Variants in TAOK1 observed in about 807,000 individuals in gnomAD.
The protein encoded by TAOK1 is serine/threonine-protein kinase TAO1.
In TAOK1, 21 loss-of-function variants were observed where a neutral mutation model predicts 138.3. That is an observed-to-expected ratio of 0.15 (90% CI 0.11 to 0.22). The LOEUF (loss-of-function observed/expected upper bound fraction) is 0.22. TAOK1 is among the 10% of genes least tolerant of loss of function. The pLI, the probability that TAOK1 is intolerant of heterozygous loss-of-function variation, is 1.00. For synonymous variants in TAOK1, 361 were observed against 398.4 expected (o/e 0.91, Z 1.12); for missense variants, 651 against 1,227.7 (o/e 0.53, Z 7.02).
chr17:29,539,348 A>T (rs2032276855), intron 19 of TAOK1, among the ~76,000 whole-genome samples: 2 of 152,222 alleles, frequency 1.3e-5, no homozygotes, highest in Non-Finnish European at 2.9e-5. Context: ...GTTTGAGAGC[A>T]GCCTAGGCAA....
intron 13 of TAOK1, among the ~76,000 whole-genome samples, chr17:29,503,246 A>G (rs994162378): frequency 2.6e-5 from 4 of 151,974 alleles, no homozygotes; most frequent in African/African-American, 7.3e-5. Flanking sequence ...AATACGAAAA[A>G]TTAGCCGGGC....
chr17:29,501,377 C>G (rs1409632039), intron 12 of TAOK1, among the ~76,000 whole-genome samples: 1 of 148,542 alleles, frequency 6.7e-6, no homozygotes, highest in African/African-American at 2.5e-5. Context: ...TAGCCTTGAT[C>G]ATACCACTGC....
At chr17:29,462,857 C>A (rs752358328) in intron 2 of TAOK1, among the ~76,000 whole-genome samples, 1 of 152,178 alleles carries the variant, frequency 6.6e-6, no homozygotes, top group Non-Finnish European at 1.5e-5. Flanking sequence ...TTTCTCTCAA[C>A]AGCATCTAGT....
intron 13 of TAOK1, among the ~76,000 whole-genome samples, chr17:29,507,192 CATATTGA>C (rs569920733): frequency 2.6e-4 from 39 of 151,640 alleles, no homozygotes; most frequent in Non-Finnish European, 5.4e-4. Flanking sequence ...ATACACTAAA[CATATTGA>C]ATTGTTCACT....
chr17:29,546,745 G>A lies in TAOK1; in HGVS notation c.*3723G>A, dbSNP rs555856849. ...GAGTGTCTGTATGTGTGTATAGATG[G>A]ATGGATGTAACTCATACTGTACATT... is the stretch of plus-strand genomic sequence containing the variant. On this transcript the variant is annotated 3_prime_UTR_variant, in exon 20 of 20. Transcript: ENST00000261716. The A allele has an allele frequency of 6.6e-6, 1 of 152,116 alleles. No homozygotes were observed. Among genetic ancestry groups the A allele is most frequent in the South Asian group, 2.1e-4 (1 of 4,830 alleles). 9.4% of individuals were successfully genotyped at this position (152,116 alleles called of 1,614,324 possible).
intron 10 of TAOK1, among the ~76,000 whole-genome samples, chr17:29,495,322 T>G (rs920852083): frequency 6.6e-6 from 1 of 152,200 alleles, no homozygotes; most frequent in African/African-American, 2.4e-5. Context: ...ATTTTAACTC[T>G]GCATTTTTAG....
intron 1 of TAOK1, chr17:29,403,645 G>A (rs1008088334): frequency 2.0e-5 from 3 of 152,070 alleles, no homozygotes; most frequent in African/African-American, 4.8e-5. Flanking sequence ...TTATTTACTG[G>A]AATTAGAGTT....
intron 1 of TAOK1, among the ~76,000 whole-genome samples, chr17:29,438,471 G>C (rs1019502393): frequency 3.3e-5 from 5 of 152,194 alleles, no homozygotes; most frequent in Non-Finnish European, 7.3e-5. Flanking sequence ...GACCACGTGA[G>C]CTCAGAAGTT....
At chr17:29,485,320 C>T (rs113318435) in intron 8 of TAOK1, among the ~76,000 whole-genome samples, 7 of 151,894 alleles carry the variant, frequency 4.6e-5, no homozygotes, top group African/African-American at 9.7e-5. Context: ...ACAAAAGGAG[C>T]GAAAAGAAAA....
chr17:29,521,438 A>G (rs555000800), intron 16 of TAOK1, among the ~76,000 whole-genome samples: 4 of 152,242 alleles, frequency 2.6e-5, no homozygotes, highest in Non-Finnish European at 5.9e-5. Flanking sequence ...TCATCTTCAC[A>G]TTAAATCTGT....
chr17:29,510,801 G>T (rs2031706545), intron 14 of TAOK1, 63 bp from the exon 15 acceptor site: 3 of 1,159,584 alleles, frequency 2.6e-6, no homozygotes, highest in East Asian at 5.5e-5. Flanking sequence ...TCTTAATGAT[G>T]TATATTAAAC....
intron 4 of TAOK1, among the ~76,000 whole-genome samples, chr17:29,476,931 C>G (rs1244620847): frequency 6.6e-6 from 1 of 151,992 alleles, no homozygotes; most frequent in Non-Finnish European, 1.5e-5. Context: ...CTGCAAGCTC[C>G]GCCTCCCAGG....
chr17:29,498,190 A>G, intron 11 of TAOK1, 128 bp from the exon 12 acceptor site: 2 of 865,804 alleles, frequency 2.3e-6, no homozygotes, highest in Non-Finnish European at 3.5e-6. Flanking sequence ...AATAAAAGCA[A>G]TTTCTCATGA....
At chr17:29,391,649 T>G (rs1204528247) in intron 1 of TAOK1, among the ~76,000 whole-genome samples, 1 of 152,186 alleles carries the variant, frequency 6.6e-6, no homozygotes, top group Non-Finnish European at 1.5e-5. Context: ...CTCTTTTTCC[T>G]TTGGTTTTAA....
Position 29,478,281 on chromosome 17 carries a change from TAGC to T in TAOK1, c.388_390del (p.Ala130del). The T allele has an allele frequency of 6.2e-7, 1 of 1,601,806 alleles. No homozygotes were observed. The highest frequency in any genetic ancestry group is 8.5e-7 in the Non-Finnish European group (1 of 1,175,440). On this transcript the variant is annotated inframe_deletion, in exon 6 of 20. Coordinates refer to ENST00000261716, the MANE Select transcript of TAOK1 (RefSeq NM_020791.4). ...AAAAAGCCATTACAAGAAGTGGAAA[TAGC>T]AGCAATTACACATGGTGCTCTTCAG...
At chr17:29,498,168 C>T in intron 11 of TAOK1, 150 bp from the exon 12 acceptor site, 1 of 706,418 alleles carries the variant, frequency 1.4e-6, no homozygotes, top group East Asian at 2.8e-5. Context: ...GATAAACTTC[C>T]TGGTCTTGGA....
chr17:29,472,043 T>C (rs745582993), intron 3 of TAOK1, among the ~76,000 whole-genome samples: 4 of 152,190 alleles, frequency 2.6e-5, no homozygotes, highest in South Asian at 4.1e-4. Flanking sequence ...TCTGCAATTA[T>C]TTCCTCCACT....
chr17:29,417,937 C>T (rs999981030), intron 1 of TAOK1, among the ~76,000 whole-genome samples: 1 of 152,160 alleles, frequency 6.6e-6, no homozygotes, highest in African/African-American at 2.4e-5. Context: ...ACCAAGGCTG[C>T]AGTAGAGTGG....
chr17:29,476,669 C>T (rs2153026527), intron 4 of TAOK1, among the ~76,000 whole-genome samples: 1 of 152,106 alleles, frequency 6.6e-6, no homozygotes, highest in Non-Finnish European at 1.5e-5. Context: ...CCCAGGATAC[C>T]AAATCCCTTC....
Sources: allele counts gnomAD v4.1 joint callset (sites outside exome capture counted in the v4.1 genomes callset), GRCh38; gene constraint gnomAD v4.1.1; transcripts MANE v1.5; gene names NCBI Gene and HGNC (gene_info 2026-07-23, HGNC 2026-07-21).